KCNN2: variants seen among roughly 807,000 people sequenced by gnomAD.
KCNN2 encodes small conductance calcium-activated potassium channel protein 2.
KCNN2 carries 24 observed loss-of-function variants against 55.5 expected under a neutral mutation model. That is an observed-to-expected ratio of 0.43 (90% CI 0.31 to 0.61). The LOEUF (loss-of-function observed/expected upper bound fraction) is 0.61. Ranked by LOEUF, KCNN2 falls within the 20% of genes least tolerant of loss-of-function variation. KCNN2 has a pLI of 0.08. For synonymous variants in KCNN2, 431 were observed against 336.1 expected, an observed-to-expected ratio of 1.28 and a Z score of -3.09; for missense variants, 754 against 853.6, an observed-to-expected ratio of 0.88 and a Z score of 1.45.
chr5:114,373,640 T>TTTTATATA (rs536849367), intron 2 of KCNN2, among the ~76,000 whole-genome samples: 3 of 56,706 alleles, frequency 5.3e-5, no homozygotes, highest in African/African-American at 1.6e-4. Context: ...TATGAAGATT[T>TTTTATATA]TATATATATA....
chr5:114,494,970 G>A (rs1224551615), intron 7 of KCNN2, among the ~76,000 whole-genome samples: 1 of 152,042 alleles, frequency 6.6e-6, no homozygotes, highest in African/African-American at 2.4e-5. Context: ...CTCAGACTTG[G>A]GAAAGTCTGC....
At chr5:114,401,059 T>C (rs1758774678) in intron 2 of KCNN2, among the ~76,000 whole-genome samples, 1 of 151,992 alleles carries the variant, frequency 6.6e-6, no homozygotes, top group African/African-American at 2.4e-5. Context: ...TGCTGCTGTA[T>C]GGCTGGTATG....
intron 1 of KCNN2, among the ~76,000 whole-genome samples, chr5:114,166,012 A>T (rs1420931274): frequency 1.3e-5 from 2 of 152,178 alleles, no homozygotes; most frequent in African/African-American, 2.4e-5. Context: ...ACCATCTATA[A>T]ATCCTCATTT....
intron 2 of KCNN2, among the ~76,000 whole-genome samples, chr5:114,327,422 G>A (rs966772246): frequency 6.6e-6 from 1 of 152,192 alleles, no homozygotes; most frequent in Admixed American, 6.5e-5. Context: ...TTGGTGCAGT[G>A]CTTTTTGATC....
At chr5:114,363,366 C>G in intron 1 of KCNN2, 105 bp downstream of exon 1, 3 of 1,353,546 alleles carry the variant, frequency 2.2e-6, no homozygotes, top group Non-Finnish European at 2.9e-6. Flanking sequence ...CTCTCCGGGA[C>G]GATCAAGGGA....
At chr5:114,171,996 G>C (rs562347939) in intron 1 of KCNN2, among the ~76,000 whole-genome samples, 3 of 152,004 alleles carry the variant, frequency 2.0e-5, no homozygotes, top group South Asian at 2.1e-4. Flanking sequence ...GAAAAAGATG[G>C]AATGTGCTCT....
At chr5:114,494,549 T>C (rs1467816288) in intron 7 of KCNN2, among the ~76,000 whole-genome samples, 13 of 151,846 alleles carry the variant, frequency 8.6e-5, no homozygotes, top group Admixed American at 8.5e-4. Context: ...GAAAAAAAGA[T>C]AGGGCAAGCT....
At chr5:114,481,063 T>G (rs1007960473) in intron 5 of KCNN2, among the ~76,000 whole-genome samples, 2 of 152,080 alleles carry the variant, frequency 1.3e-5, no homozygotes, top group African/African-American at 4.8e-5. Context: ...GAAGTCAAAT[T>G]ACCTTTGCAG....
At chr5:114,223,156 C>T (rs1026019176) in intron 2 of KCNN2, among the ~76,000 whole-genome samples, 1 of 152,108 alleles carries the variant, frequency 6.6e-6, no homozygotes, top group Non-Finnish European at 1.5e-5. Context: ...AATATCAATA[C>T]CTGGGCACAA....
At chr5:114,059,475 T>G (rs1341984024) in intron 1 of KCNN2, among the ~76,000 whole-genome samples, 1 of 152,190 alleles carries the variant, frequency 6.6e-6, no homozygotes, top group Non-Finnish European at 1.5e-5. Flanking sequence ...ATTGTCAGAT[T>G]GTGAATTCCT....
intron 2 of KCNN2, among the ~76,000 whole-genome samples, chr5:114,313,009 G>A (rs1332003527): frequency 6.6e-6 from 1 of 151,994 alleles, no homozygotes; most frequent in Non-Finnish European, 1.5e-5. Context: ...TGCCTCTCTG[G>A]AACCTTGTTT....
intron 2 of KCNN2, among the ~76,000 whole-genome samples, chr5:114,354,225 A>C (rs761498001): frequency 2.0e-5 from 3 of 151,862 alleles, no homozygotes; most frequent in Non-Finnish European, 2.9e-5. Flanking sequence ...TGGTTACTCT[A>C]CTTTTCAACT....
intron 2 of KCNN2, among the ~76,000 whole-genome samples, chr5:114,396,237 T>C (rs1327898919): frequency 6.6e-6 from 1 of 152,170 alleles, no homozygotes; most frequent in Non-Finnish European, 1.5e-5. Context: ...TGTTGTTGTT[T>C]AGATGGTAGT....
At chr5:114,246,938 C>T (rs1031138390) in intron 2 of KCNN2, among the ~76,000 whole-genome samples, 1 of 151,648 alleles carries the variant, frequency 6.6e-6, no homozygotes, top group Non-Finnish European at 1.5e-5. Context: ...GGAAACAACA[C>T]TGTTGTTGTA....
intron 3 of KCNN2, among the ~76,000 whole-genome samples, chr5:114,409,119 CAT>C (rs1759038815): frequency 6.6e-6 from 1 of 152,192 alleles, no homozygotes; most frequent in African/African-American, 2.4e-5. Context: ...CCAAACATCT[CAT>C]GTCTTTTTGC....
At chr5:114,123,537 TG>T (rs1384557548) in intron 1 of KCNN2, among the ~76,000 whole-genome samples, 5 of 118,894 alleles carry the variant, frequency 4.2e-5, no homozygotes, top group African/African-American at 1.9e-4. Context: ...TAATTTTTTG[TG>T]TTTTTTAGTA....
intron 1 of KCNN2, among the ~76,000 whole-genome samples, chr5:114,182,628 G>C (rs1159401829): frequency 1.3e-5 from 2 of 151,898 alleles, no homozygotes; most frequent in Non-Finnish European, 1.5e-5. Context: ...ATGTGTTTTT[G>C]CACAATTGTA....
At position 114,198,766 on chromosome 5, in the gene KCNN2, C is replaced by G. The variant is rs1753611732; in HGVS notation, c.-270-22714C>G. Among the ~76,000 whole-genome samples, 3 of 151,788 alleles carry G rather than the reference C, an allele frequency of 2.0e-5. No individual in the cohort carries two copies. The South Asian group carries it at 6.2e-4, about 32-fold the overall frequency. On this transcript the variant is annotated intron_variant, in intron 1 of 10. Coordinates refer to the KCNN2 transcript ENST00000512097. ...AGTTCCTCTTGGTATTTATTTCTAGCTTTTTTCCACTGTGGTCTGAGAAGA... is the reference window on the plus strand; with the variant it reads ...AGTTCCTCTTGGTATTTATTTCTAGGTTTTTTCCACTGTGGTCTGAGAAGA...
intron 1 of KCNN2, among the ~76,000 whole-genome samples, chr5:114,181,111 G>T (rs1461484105): frequency 6.6e-6 from 1 of 152,074 alleles, no homozygotes; most frequent in Non-Finnish European, 1.5e-5. Flanking sequence ...TATTTTTGTG[G>T]ACATGTGCTT....
Sources: gnomAD v4.1 joint callset for allele counts (sites outside exome capture counted in the v4.1 genomes callset) on GRCh38, gnomAD v4.1.1 for gene constraint, MANE v1.5 for transcripts, NCBI Gene and HGNC (gene_info 2026-07-23, HGNC 2026-07-21) for gene names.